The following SBF2 variants were observed in gnomAD, a reference collection of about 807,000 sequenced individuals.
SBF2 encodes SET binding factor 2, also known as myotubularin-related protein 13.
SBF2 carries 112 observed loss-of-function variants against 225.2 expected under a neutral mutation model. The ratio of observed to expected loss-of-function variants is 0.50; its 90% CI spans 0.43 to 0.58. SBF2 has a LOEUF of 0.58. Among genes scored for constraint, SBF2 ranks in the 20% least tolerant of loss-of-function variants. The pLI is 0.00. For synonymous variants in SBF2, 763 were observed against 773.3 expected, an observed-to-expected ratio of 0.99 and a Z score of 0.22; for missense variants, 1,996 against 2,206.2, an observed-to-expected ratio of 0.90 and a Z score of 1.91.
At chr11:9,923,443 A>C (rs931405496) in intron 16 of SBF2, among the ~76,000 whole-genome samples, 3 of 152,220 alleles carry the variant, frequency 2.0e-5, no homozygotes, top group Non-Finnish European at 4.4e-5. Context: ...ATGATACTCT[A>C]CAAAAATGTG....
chr11:9,808,777 A>T, intron 31 of SBF2, 124 bp downstream of exon 31: 1 of 745,020 alleles, frequency 1.3e-6, no homozygotes, highest in Non-Finnish European at 2.3e-6. Flanking sequence ...GGTGCTGTTT[A>T]ACACAGGACT....
intron 2 of SBF2, among the ~76,000 whole-genome samples, chr11:10,169,316 T>C (rs1449105710): frequency 1.3e-5 from 2 of 152,116 alleles, no homozygotes; most frequent in East Asian, 1.9e-4. Flanking sequence ...ATCTTCTCCA[T>C]TACCTCCTCT....
intron 1 of SBF2, among the ~76,000 whole-genome samples, chr11:10,200,641 T>C (rs1373661009): frequency 6.6e-6 from 1 of 152,212 alleles, no homozygotes; most frequent in East Asian, 1.9e-4. Flanking sequence ...ATGCATTTTT[T>C]GGATCCTATG....
chr11:9,924,681 C>G (rs1010939948), intron 16 of SBF2, among the ~76,000 whole-genome samples: 1 of 152,216 alleles, frequency 6.6e-6, no homozygotes, highest in Non-Finnish European at 1.5e-5. Context: ...ATCCACCCCC[C>G]TCAGCCTCCC....
chr11:10,236,144 G>T (rs1184319888), intron 1 of SBF2, among the ~76,000 whole-genome samples: 2 of 152,090 alleles, frequency 1.3e-5, no homozygotes, highest in Non-Finnish European at 2.9e-5. Flanking sequence ...AACGAACAAA[G>T]AATATCTGAA....
chr11:9,884,960 T>C (rs774940118), intron 17 of SBF2, among the ~76,000 whole-genome samples: 2 of 151,980 alleles, frequency 1.3e-5, no homozygotes, highest in Non-Finnish European at 2.9e-5. Flanking sequence ...ATTCAAATAG[T>C]GTAATTATGG....
intron 16 of SBF2, among the ~76,000 whole-genome samples, chr11:9,940,460 T>C (rs1201818443): frequency 6.6e-6 from 1 of 152,178 alleles, no homozygotes; most frequent in Non-Finnish European, 1.5e-5. Flanking sequence ...ATGGTGGTGG[T>C]GCAGCCAGTC....
At chr11:10,267,261 G>C (rs571244357) in intron 1 of SBF2, among the ~76,000 whole-genome samples, 1 of 151,680 alleles carries the variant, frequency 6.6e-6, no homozygotes, top group South Asian at 2.1e-4. Flanking sequence ...ATACAAACCC[G>C]AAACTGTCTA....
At chr11:10,225,409 T>A (rs1029951470) in intron 1 of SBF2, among the ~76,000 whole-genome samples, 8 of 146,926 alleles carry the variant, frequency 5.4e-5, no homozygotes, top group Non-Finnish European at 1.2e-4. Flanking sequence ...AATTTCCTAT[T>A]AAAAAAAAAA....
chr11:10,075,003 A>G (rs1215856389), intron 2 of SBF2, among the ~76,000 whole-genome samples: 7 of 152,238 alleles, frequency 4.6e-5, no homozygotes, highest in Non-Finnish European at 7.3e-5. Context: ...AAAGCTGTCA[A>G]ACAATGGAAT....
At position 9,856,680 on chromosome 11, in the gene SBF2, A is replaced by G; in HGVS notation, c.2141T>C (p.Met714Thr). 3 of 1,614,144 alleles carry G rather than the reference A, an allele frequency of 1.9e-6. No homozygotes were observed. Among genetic ancestry groups the G allele is most frequent in the Non-Finnish European group, 1.7e-6 (2 of 1,180,024 alleles). ...PDDHYQEKTA[M>T]DLAAEQLRLW... ...GCGTAGTTGCTCAGCTGCCAGGTCC[A>G]TTGCTGTCTTCTCCTGATAATGGTC... Residue 714 changes from methionine (M) to threonine (T), a missense_variant, in exon 19 of 40, where the codon ATG becomes ACG. By Grantham distance (81) the Met-to-Thr change is moderately conservative. Transcript: ENST00000256190.
intron 32 of SBF2, among the ~76,000 whole-genome samples, chr11:9,798,273 A>G (rs2133876932): frequency 6.6e-6 from 1 of 152,172 alleles, no homozygotes; most frequent in Non-Finnish European, 1.5e-5. Flanking sequence ...CATTGCTCAG[A>G]CCTCAAGTTT....
intron 13 of SBF2, among the ~76,000 whole-genome samples, chr11:9,981,263 C>T (rs1946944877): frequency 6.6e-6 from 1 of 152,136 alleles, no homozygotes; most frequent in Non-Finnish European, 1.5e-5. Flanking sequence ...AAGTGGTACT[C>T]ATTAAAGCTG....
chr11:9,798,971 A>G (rs1275307479), intron 32 of SBF2, among the ~76,000 whole-genome samples: 4 of 151,560 alleles, frequency 2.6e-5, no homozygotes, highest in Admixed American at 2.6e-4. Flanking sequence ...AAAAACCAAA[A>G]AACAAACAAA....
At chr11:10,135,379 T>C (rs1471350217) in intron 2 of SBF2, among the ~76,000 whole-genome samples, 1 of 152,240 alleles carries the variant, frequency 6.6e-6, no homozygotes, top group Non-Finnish European at 1.5e-5. Flanking sequence ...CAATTAACAT[T>C]TGGCTCCTCG....
At chr11:10,248,823 C>T (rs928880591) in intron 1 of SBF2, among the ~76,000 whole-genome samples, 4 of 152,304 alleles carry the variant, frequency 2.6e-5, no homozygotes, top group Non-Finnish European at 4.4e-5. Flanking sequence ...AGGCCGGGCG[C>T]GGAGGCTTAC....
chr11:9,821,567 G>C (rs1481112801), intron 28 of SBF2, among the ~76,000 whole-genome samples: 1 of 152,174 alleles, frequency 6.6e-6, no homozygotes, highest in African/African-American at 2.4e-5. Context: ...TAGATTTCCT[G>C]AATGATTTCT....
chr11:10,098,093 T>C (rs1425232077), intron 2 of SBF2, among the ~76,000 whole-genome samples: 1 of 152,094 alleles, frequency 6.6e-6, no homozygotes, highest in Non-Finnish European at 1.5e-5. Flanking sequence ...AACTAGGCTA[T>C]ATGTTCCCCT....
At chr11:10,244,983 A>C (rs149929090) in intron 1 of SBF2, among the ~76,000 whole-genome samples, 6 of 151,916 alleles carry the variant, frequency 3.9e-5, no homozygotes, top group African/African-American at 1.4e-4. Context: ...AACACAAAAA[A>C]ATTAGCTGGG....
Sources: gnomAD v4.1 joint callset for allele counts (sites outside exome capture counted in the v4.1 genomes callset) on GRCh38, gnomAD v4.1.1 for gene constraint, MANE v1.5 for transcripts, NCBI Gene and HGNC (gene_info 2026-07-23, HGNC 2026-07-21) for gene names.